SH3PXD2A: variants seen among roughly 807,000 people sequenced by gnomAD.
SH3PXD2A encodes SH3 and PX domain-containing protein 2A.
SH3PXD2A carries 32 observed loss-of-function variants against 115.2 expected under a neutral mutation model. That is an observed-to-expected ratio of 0.28 (90% CI 0.21 to 0.37). The LOEUF (loss-of-function observed/expected upper bound fraction) is 0.37, where lower values mean the gene tolerates loss of function less well. Among genes scored for constraint, SH3PXD2A ranks in the 10% least tolerant of loss-of-function variants. The pLI is 1.00. For synonymous variants in SH3PXD2A, 610 were observed against 629.1 expected (o/e 0.97, Z 0.45); for missense variants, 1,328 against 1,498.7 (o/e 0.89, Z 1.88).
At chr10:103,816,986 A>G (rs1326208390) in intron 1 of SH3PXD2A, among the ~76,000 whole-genome samples, 1 of 139,966 alleles carries the variant, frequency 7.1e-6, no homozygotes, top group African/African-American at 2.6e-5. Context: ...GTGTGCCAAC[A>G]CACCCGGCTA....
intron 8 of SH3PXD2A, among the ~76,000 whole-genome samples, chr10:103,654,551 G>A (rs2134032124): frequency 1.3e-5 from 2 of 152,280 alleles, no homozygotes; most frequent in South Asian, 2.1e-4. Flanking sequence ...GGCCCTGCAT[G>A]AAGCACTAAC....
intron 4 of SH3PXD2A, among the ~76,000 whole-genome samples, chr10:103,728,854 A>G (rs1307263483): frequency 6.6e-6 from 1 of 151,774 alleles, no homozygotes; most frequent in African/African-American, 2.4e-5. Context: ...GAGGCCTCAC[A>G]GCTAGTAAGT....
intron 6 of SH3PXD2A, among the ~76,000 whole-genome samples, chr10:103,675,531 G>C (rs1431019220): frequency 6.6e-6 from 1 of 152,088 alleles, no homozygotes; most frequent in South Asian, 2.1e-4. Context: ...ACCCCCACAG[G>C]CTGGAAGGAC....
intron 1 of SH3PXD2A, among the ~76,000 whole-genome samples, chr10:103,852,715 C>T (rs1564904844): frequency 6.6e-6 from 1 of 152,224 alleles, no homozygotes; most frequent in Non-Finnish European, 1.5e-5. Flanking sequence ...CTCCTCCTGC[C>T]CCTGTCTGTC....
intron 1 of SH3PXD2A, among the ~76,000 whole-genome samples, chr10:103,847,804 T>C (rs1842861158): frequency 6.6e-6 from 1 of 152,062 alleles, no homozygotes; most frequent in Non-Finnish European, 1.5e-5. Flanking sequence ...CTGCGTGTGG[T>C]GGTGCATGCC....
At chr10:103,811,469 C>T (rs750389977) in intron 1 of SH3PXD2A, among the ~76,000 whole-genome samples, 8 of 152,210 alleles carry the variant, frequency 5.3e-5, no homozygotes, top group African/African-American at 1.4e-4. Context: ...GTGTTGTTAT[C>T]GTCTCCAGTT....
At chr10:103,779,765 G>A (rs1411943214) in intron 2 of SH3PXD2A, among the ~76,000 whole-genome samples, 1 of 152,186 alleles carries the variant, frequency 6.6e-6, no homozygotes, top group African/African-American at 2.4e-5. Context: ...CAGATTTGAG[G>A]TGTTTTCTGG....
chr10:103,791,076 G>A (rs889296527), intron 2 of SH3PXD2A, among the ~76,000 whole-genome samples: 10 of 152,170 alleles, frequency 6.6e-5, no homozygotes, highest in East Asian at 5.8e-4. Flanking sequence ...CTCACAAGAC[G>A]TCACCCAGAA....
intron 5 of SH3PXD2A, among the ~76,000 whole-genome samples, chr10:103,720,264 G>A (rs753328440): frequency 6.6e-6 from 1 of 152,250 alleles, no homozygotes; most frequent in Non-Finnish European, 1.5e-5. Flanking sequence ...TCCGTGTGAG[G>A]AGGCAAAACC....
chr10:103,808,245 C>T (rs1323496799), intron 1 of SH3PXD2A, among the ~76,000 whole-genome samples: 1 of 151,748 alleles, frequency 6.6e-6, no homozygotes, highest in African/African-American at 2.4e-5. Flanking sequence ...GTTAAAGACC[C>T]CTCTTTTTTT....
chr10:103,652,553 G>T (rs1442416926), intron 8 of SH3PXD2A, among the ~76,000 whole-genome samples: 1 of 152,174 alleles, frequency 6.6e-6, no homozygotes, highest in Non-Finnish European at 1.5e-5. Context: ...AGGATAAGCT[G>T]GGGAGAGAAT....
intron 5 of SH3PXD2A, among the ~76,000 whole-genome samples, chr10:103,701,078 CCAT>C: frequency 3.3e-4 from 1 of 3,046 alleles, no homozygotes. Flanking sequence ...ATCCATCCAT[CCAT>C]CATCCATTTA....
intron 8 of SH3PXD2A, among the ~76,000 whole-genome samples, chr10:103,632,997 C>A (rs1021709217): frequency 3.3e-5 from 5 of 151,280 alleles, no homozygotes; most frequent in Non-Finnish European, 5.9e-5. Flanking sequence ...CAAACCTCCC[C>A]CCGGCCAAAA....
At chr10:103,646,710 G>C (rs2037041798) in intron 8 of SH3PXD2A, among the ~76,000 whole-genome samples, 1 of 152,330 alleles carries the variant, frequency 6.6e-6, no homozygotes, top group South Asian at 2.1e-4. Flanking sequence ...GTTCACCTCT[G>C]TGCATCAGTG....
In SH3PXD2A at chr10:103,784,941, G is replaced by A. The variant is rs1250262913; in HGVS notation, c.153+16341C>T. Among the ~76,000 whole-genome samples the A allele has an allele frequency of 1.3e-5, 2 of 152,168 alleles. No individual in the cohort carries two copies. Among genetic ancestry groups the A allele is most frequent in the Admixed American group, 1.3e-4 (2 of 15,276 alleles). ...GTCTGCTTAGACGGGTAACCAGTCT[G>A]CAGGTCAGCTCGGGTTGCATCTGTC... is the stretch of plus-strand genomic sequence containing the variant. On this transcript the variant is annotated intron_variant, in intron 2 of 14. Coordinates refer to ENST00000369774, the MANE Select transcript of SH3PXD2A (RefSeq NM_001394015.1). This position sits in a 1 kb window ranked among gnomAD's most constrained non-coding sequence, Gnocchi z 4.4.
intron 1 of SH3PXD2A, among the ~76,000 whole-genome samples, chr10:103,836,006 C>T (rs1589477562): frequency 6.6e-6 from 1 of 152,130 alleles, no homozygotes; most frequent in Non-Finnish European, 1.5e-5. Context: ...CCCAGTACCG[C>T]GTCTTCCTAG....
intron 1 of SH3PXD2A, among the ~76,000 whole-genome samples, chr10:103,852,474 G>A (rs1364800362): frequency 6.6e-6 from 1 of 152,196 alleles, no homozygotes; most frequent in African/African-American, 2.4e-5. Context: ...AAACCTCTCT[G>A]CTCTGCAATT....
intron 3 of SH3PXD2A, among the ~76,000 whole-genome samples, chr10:103,738,901 TCTC>T (rs2134189244): frequency 6.6e-6 from 1 of 151,994 alleles, no homozygotes; most frequent in East Asian, 1.9e-4. Context: ...TTCAAGCAAT[TCTC>T]CTACTTCAGC....
At chr10:103,724,497 C>A (rs966041249) in intron 4 of SH3PXD2A, 136 bp from the exon 5 acceptor site, 3 of 530,858 alleles carry the variant, frequency 5.7e-6, no homozygotes, top group Admixed American at 8.3e-5. Context: ...AACCAGCCAC[C>A]CACCTGTCCA....
Sources: gnomAD v4.1 joint callset for allele counts (sites outside exome capture counted in the v4.1 genomes callset) on GRCh38, gnomAD v4.1.1 for gene constraint, Gnocchi (gnomAD v3.1) non-coding constraint, MANE v1.5 for transcripts, NCBI Gene and HGNC (gene_info 2026-07-23, HGNC 2026-07-21) for gene names.